Variants in KIF13B observed in about 807,000 individuals in gnomAD.
KIF13B encodes kinesin-like protein KIF13B.
Under a neutral mutation model 222.0 loss-of-function variants are expected in KIF13B, and 127 were observed. That is an observed-to-expected ratio of 0.57 (90% CI 0.50 to 0.66). KIF13B has a LOEUF of 0.66. Among genes scored for constraint, KIF13B ranks in the 30% least tolerant of loss-of-function variants. KIF13B has a pLI of 0.00. For synonymous variants in KIF13B, 976 were observed against 919.0 expected (o/e 1.06, Z -1.12); for missense variants, 2,173 against 2,379.0 (o/e 0.91, Z 1.80).
chr8:29,163,924 T>G (rs1811885664), intron 12 of KIF13B, among the ~76,000 whole-genome samples: 1 of 152,220 alleles, frequency 6.6e-6, no homozygotes, highest in South Asian at 2.1e-4. Flanking sequence ...GGACAATTAT[T>G]AGAATGACTT....
chr8:29,138,908 AATT>A (rs1350982740), intron 21 of KIF13B, among the ~76,000 whole-genome samples: 14 of 152,200 alleles, frequency 9.2e-5, no homozygotes, highest in African/African-American at 2.9e-4. Context: ...AATATTAAGA[AATT>A]ATTAATTTTT....
chr8:29,163,283 A>G (rs981734112), intron 12 of KIF13B, among the ~76,000 whole-genome samples: 14 of 152,198 alleles, frequency 9.2e-5, no homozygotes, highest in South Asian at 6.2e-4. Flanking sequence ...ACAATTAAAC[A>G]ATGGTGAAGT....
intron 24 of KIF13B, among the ~76,000 whole-genome samples, chr8:29,129,646 C>CAAA (rs11418745): frequency 6.7e-5 from 10 of 149,998 alleles, no homozygotes; most frequent in African/African-American, 2.0e-4. Context: ...TAAAGTATAG[C>CAAA]AAAAAAAAAA....
chr8:29,196,238 A>C (rs780615057), intron 2 of KIF13B, 39 bp from the exon 3 acceptor site: 2 of 1,426,640 alleles, frequency 1.4e-6, no homozygotes, highest in African/African-American at 1.9e-5. Flanking sequence ...GACGTGAAAG[A>C]AAAGTTAAAA....
upstream of KIF13B, chr8:29,263,251 GA>G: frequency 1.9e-6 from 1 of 537,818 alleles, no homozygotes; most frequent in South Asian, 2.4e-5. Context: ...GCGGGGGCGG[GA>G]ATGCTCGGGC....
chr8:29,134,342 C>T (rs1586823806), intron 21 of KIF13B, 132 bp from the exon 22 acceptor site: 1 of 764,180 alleles, frequency 1.3e-6, no homozygotes, highest in African/African-American at 1.7e-5. Context: ...ATCCCATTCA[C>T]CCTGAGACTG....
At chr8:29,095,691 C>T (rs1329166330) in intron 36 of KIF13B, among the ~76,000 whole-genome samples, 3 of 152,060 alleles carry the variant, frequency 2.0e-5, no homozygotes, top group African/African-American at 4.8e-5. Context: ...CACTTAAACC[C>T]GGGAGGCAGA....
chr8:29,107,580 G>C (rs1326808701), intron 35 of KIF13B, among the ~76,000 whole-genome samples: 1 of 87,248 alleles, frequency 1.1e-5, no homozygotes, highest in African/African-American at 4.1e-5. Context: ...TTTTTTTTTT[G>C]AGACAGAGTC....
At chr8:29,163,054 T>C (rs1319712809) in intron 12 of KIF13B, among the ~76,000 whole-genome samples, 1 of 152,242 alleles carries the variant, frequency 6.6e-6, no homozygotes, top group Non-Finnish European at 1.5e-5. Context: ...ACCCCTGATC[T>C]ATCTCAAGGT....
intron 5 of KIF13B, among the ~76,000 whole-genome samples, chr8:29,187,912 C>T (rs1171638660): frequency 6.6e-6 from 1 of 152,182 alleles, no homozygotes; most frequent in Admixed American, 6.5e-5. Context: ...TAAGTAACTG[C>T]CCAGGTCTCT....
At chr8:29,132,813 A>G (rs908933914) in intron 22 of KIF13B, among the ~76,000 whole-genome samples, 1 of 152,236 alleles carries the variant, frequency 6.6e-6, no homozygotes, top group Non-Finnish European at 1.5e-5. Context: ...GTTGATATAA[A>G]AGTTATATGC....
chr8:29,239,992 T>C (rs1815692615), intron 2 of KIF13B, among the ~76,000 whole-genome samples: 1 of 147,970 alleles, frequency 6.8e-6, no homozygotes, highest in Non-Finnish European at 1.5e-5. Context: ...AACCTGTATG[T>C]GTACCCCTGG....
At chr8:29,218,797 T>C (rs1814608616) in intron 2 of KIF13B, 2 of 152,260 alleles carry the variant, frequency 1.3e-5, no homozygotes, top group African/African-American at 2.4e-5. Flanking sequence ...TTCAACTTTA[T>C]GCTATGAGCC....
At chr8:29,184,750 G>T (rs2130305373) in intron 6 of KIF13B, among the ~76,000 whole-genome samples, 1 of 152,292 alleles carries the variant, frequency 6.6e-6, no homozygotes, top group African/African-American at 2.4e-5. Context: ...GCAGAAGAAT[G>T]AACAGGTATG....
At chr8:29,171,022 A>G (rs1395117407) in intron 10 of KIF13B, among the ~76,000 whole-genome samples, 1 of 152,234 alleles carries the variant, frequency 6.6e-6, no homozygotes, top group Non-Finnish European at 1.5e-5. Context: ...CAACCTAACC[A>G]TGGAGAAAGG....
intron 21 of KIF13B, among the ~76,000 whole-genome samples, chr8:29,135,233 T>C (rs1309920744): frequency 6.6e-6 from 1 of 152,024 alleles, no homozygotes; most frequent in African/African-American, 2.4e-5. Flanking sequence ...TTAGTAGAGA[T>C]GAGGTCTCAC....
In KIF13B at chr8:29,090,291, T is replaced by C. The variant is rs1304268332; in HGVS notation, c.4458+2454A>G. On this transcript the variant is annotated intron_variant, in intron 37 of 39. Transcript: ENST00000524189. ...CTGACGACTGTGAGGCTGTGAAAGA[T>C]CATTCTGGCTACTCTGTTTAAACAG... 2.0e-5 allele frequency among the ~76,000 whole-genome samples: 3 copies of C among 152,118 alleles called. No homozygotes were observed. The East Asian group carries it at 5.8e-4, about 29-fold the overall frequency.
At chr8:29,153,801 A>C (rs537775940) in intron 14 of KIF13B, among the ~76,000 whole-genome samples, 58 of 151,678 alleles carry the variant, frequency 3.8e-4, no homozygotes, top group African/African-American at 1.3e-3. Flanking sequence ...TCATCCTCCT[A>C]CTCTTACTCT....
chr8:29,234,955 A>C (rs779250629), intron 2 of KIF13B, among the ~76,000 whole-genome samples: 1 of 152,218 alleles, frequency 6.6e-6, no homozygotes, highest in Non-Finnish European at 1.5e-5. Flanking sequence ...CCTGATTTTT[A>C]AATGTTCCAA....
Sources: gnomAD v4.1 joint callset for allele counts (sites outside exome capture counted in the v4.1 genomes callset) on GRCh38, gnomAD v4.1.1 for gene constraint, MANE v1.5 for transcripts, NCBI Gene and HGNC (gene_info 2026-07-23, HGNC 2026-07-21) for gene names.